FBXO45: variants seen among roughly 807,000 people sequenced by gnomAD.
The protein encoded by FBXO45 is F-box protein 45.
In FBXO45, 3 loss-of-function variants were observed where a neutral mutation model predicts 25.5. That is an observed-to-expected ratio of 0.12 (90% CI 0.05 to 0.30). FBXO45 has a LOEUF of 0.30. Ranked by LOEUF, FBXO45 falls within the 10% of genes least tolerant of loss-of-function variation. The pLI, the probability that FBXO45 is intolerant of heterozygous loss-of-function variation, is 1.00. For synonymous variants in FBXO45, 155 were observed against 149.8 expected (o/e 1.03, Z -0.25); for missense variants, 219 against 365.0 (o/e 0.60, Z 3.26).
At chr3:196,583,796 C>G (rs953123601) in intron 2 of FBXO45, among the ~76,000 whole-genome samples, 2 of 152,048 alleles carry the variant, frequency 1.3e-5, no homozygotes, top group Non-Finnish European at 2.9e-5. Context: ...GGTGCGATAC[C>G]AGCTTTGCGC....
intron 1 of FBXO45, among the ~76,000 whole-genome samples, chr3:196,575,377 G>A (rs1735895742): frequency 6.7e-6 from 1 of 150,304 alleles, no homozygotes; most frequent in African/African-American, 2.4e-5. Context: ...AGAATCGCTT[G>A]AACCCAGGAG....
At chr3:196,579,276 G>A (rs895965618) in intron 2 of FBXO45, among the ~76,000 whole-genome samples, 2 of 152,180 alleles carry the variant, frequency 1.3e-5, no homozygotes, top group Admixed American at 6.5e-5. Flanking sequence ...TCCAGCCTCA[G>A]TAATGACCTC....
chr3:196,569,281 C>A lies in FBXO45; in HGVS notation c.297C>A (p.Asn99Lys). The A allele has an allele frequency of 1.3e-6, 2 of 1,574,478 alleles. No individual in the cohort carries two copies. Among genetic ancestry groups the A allele is most frequent in the Non-Finnish European group, 8.6e-7 (1 of 1,158,846 alleles). ...CTCTGCGCACGGACATCCTGTGCAACCTGCCCAGCTACAAGGCCAAGGTGA... is the reference window on the plus strand; with the variant it reads ...CTCTGCGCACGGACATCCTGTGCAAACTGCCCAGCTACAAGGCCAAGGTGA... ...EEALRTDILC[N>K]LPSYKAKIRA... Residue 99 changes from asparagine (N) to lysine (K), a missense_variant, in exon 1 of 3, where the codon AAC becomes AAA. Physicochemically the swap from Asn to Lys is moderately conservative, Grantham distance 94 (BLOSUM62 0). Around this residue, in one of 4 missense-constraint regions of FBXO45, gnomAD observed 138 missense variants for 157.3 expected, o/e 0.88. Transcript: ENST00000311630. This position sits in a 1 kb window ranked among gnomAD's most constrained non-coding sequence, Gnocchi z 4.1.
chr3:196,575,528 A>T (rs1048568071), intron 1 of FBXO45, among the ~76,000 whole-genome samples: 1 of 151,864 alleles, frequency 6.6e-6, no homozygotes. Flanking sequence ...ATTGGAATTT[A>T]TAAGAATTGG....
At chr3:196,570,693 T>A (rs979159531) in intron 1 of FBXO45, among the ~76,000 whole-genome samples, 1 of 150,586 alleles carries the variant, frequency 6.6e-6, no homozygotes, top group Non-Finnish European at 1.5e-5. Context: ...ACTATCAAGT[T>A]GTTTCTCTTT....
rs1736121559 is a variant in FBXO45 at position 196,586,988 on chromosome 3, G to A, written c.*2670G>A. The A allele has an allele frequency of 6.6e-6, 1 of 152,158 alleles. No individual in the cohort carries two copies. Among genetic ancestry groups the A allele is most frequent in the African/African-American group, 2.4e-5 (1 of 41,432 alleles). The allele number at this position is 152,158 out of a possible 1,614,324, so 9.4% of individuals were successfully genotyped here. A position where few individuals can be genotyped will look rare whatever the true frequency, so the allele number is the denominator to read the frequency against. On this transcript the variant is annotated 3_prime_UTR_variant, in exon 3 of 3. Coordinates refer to ENST00000311630, the MANE Select transcript of FBXO45 (RefSeq NM_001105573.2). ...AAAATAATGGGAAAGTGCTTGTGCC[G>A]TGGATGAAAAGTGCTATTAAAAGTC...
At position 196,568,753 on chromosome 3, in the gene FBXO45, C is replaced by T; in HGVS notation, c.-232C>T. 1 of 164,916 alleles carries T rather than the reference C, an allele frequency of 6.1e-6. No homozygotes were observed. Among genetic ancestry groups the T allele is most frequent in the Non-Finnish European group, 1.3e-5 (1 of 79,704 alleles). 10.2% of individuals were successfully genotyped at this position (164,916 alleles called of 1,614,324 possible). On this transcript the variant is annotated 5_prime_UTR_variant, in exon 1 of 3. Coordinates refer to ENST00000311630, the MANE Select transcript of FBXO45 (RefSeq NM_001105573.2). Reference sequence around the variant, plus strand: ...GGGCGGTTTCGGCGCCCGCGCTGAGCCGCGGAGGAGGGGCGGAGGACGCCC... The same window carrying T: ...GGGCGGTTTCGGCGCCCGCGCTGAGTCGCGGAGGAGGGGCGGAGGACGCCC...
Position 196,569,205 on chromosome 3 carries a change from A to G in FBXO45, c.221A>G (p.Glu74Gly). Residue 74 changes from glutamate (E) to glycine (G), a missense_variant, in exon 1 of 3, where the codon GAG (glutamate) becomes GGG (glycine). By Grantham distance (98) the Glu-to-Gly change is moderately conservative. Transcript: ENST00000311630. The surrounding 1 kb of genome is among the most constrained non-coding windows in gnomAD (Gnocchi z 4.1). ...KHWYRCLHGD[E>G]NSEVWRSLCA... ...TGGTACCGCTGCCTGCACGGCGATGAGAACAGCGAGGTGTGGCGGAGCCTG... is the reference window on the plus strand; with the variant it reads ...TGGTACCGCTGCCTGCACGGCGATGGGAACAGCGAGGTGTGGCGGAGCCTG... 6.3e-7 allele frequency: 1 copy of G among 1,575,034 alleles called. No individual in the cohort carries two copies. The highest frequency in any genetic ancestry group is 8.6e-7 in the Non-Finnish European group (1 of 1,161,168).
At chr3:196,577,071 A>G (rs757199676) in intron 1 of FBXO45, among the ~76,000 whole-genome samples, 25 of 152,262 alleles carry the variant, frequency 1.6e-4, no homozygotes, top group Non-Finnish European at 2.2e-4. Flanking sequence ...TCATGTTTCT[A>G]TTGCACACTC....
At chr3:196,574,445 C>T (rs937786290) in intron 1 of FBXO45, among the ~76,000 whole-genome samples, 2 of 152,086 alleles carry the variant, frequency 1.3e-5, no homozygotes, top group African/African-American at 2.4e-5. Context: ...ATAAGGGTCC[C>T]ATGGCAAAGG....
intron 2 of FBXO45, among the ~76,000 whole-genome samples, chr3:196,581,983 A>C (rs1304051941): frequency 6.6e-6 from 1 of 152,106 alleles, no homozygotes; most frequent in African/African-American, 2.4e-5. Context: ...GTGCCTTTGT[A>C]ATATAGTGGT....
intron 2 of FBXO45, among the ~76,000 whole-genome samples, chr3:196,581,991 G>T (rs1268797153): frequency 6.6e-6 from 1 of 152,098 alleles, no homozygotes; most frequent in Admixed American, 6.6e-5. Context: ...GTAATATAGT[G>T]GTCACTCAGG....
At chr3:196,570,216 G>A (rs1735778472) in intron 1 of FBXO45, among the ~76,000 whole-genome samples, 1 of 151,704 alleles carries the variant, frequency 6.6e-6, no homozygotes, top group African/African-American at 2.4e-5. Context: ...TGATTGCAAT[G>A]TGTTAAACAT....
intron 1 of FBXO45, among the ~76,000 whole-genome samples, chr3:196,575,182 G>C (rs888738451): frequency 1.3e-5 from 2 of 152,204 alleles, no homozygotes; most frequent in African/African-American, 4.8e-5. Flanking sequence ...AGGGCCGGGC[G>C]TGGTGGCTCA....
rs1045635924 is a variant in FBXO45 at position 196,568,875 on chromosome 3, CAG to C, written c.-109_-108del. 7.2e-6 allele frequency: 6 copies of C among 834,522 alleles called. No individual in the cohort carries two copies. The highest frequency in any genetic ancestry group is 1.2e-4 in the East Asian group (1 of 8,076). 51.7% of individuals were successfully genotyped at this position (834,522 alleles called of 1,614,324 possible). A position where few individuals can be genotyped will look rare whatever the true frequency, so the allele number is the denominator to read the frequency against. On this transcript the variant is annotated 5_prime_UTR_variant, in exon 1 of 3. Coordinates refer to ENST00000311630, the MANE Select transcript of FBXO45 (RefSeq NM_001105573.2). ...TGGAGGCGCCGGCGGTTGGCACTGA[CAG>C]GGGCGGTGAGCGAGCCGCTCCGGTC...
intron 1 of FBXO45, among the ~76,000 whole-genome samples, chr3:196,570,362 C>T (rs1359330845): frequency 1.3e-5 from 2 of 151,318 alleles, no homozygotes; most frequent in African/African-American, 2.4e-5. Context: ...CTCAGCCTCC[C>T]GAGTAGCTGG....
At chr3:196,576,116 A>T (rs995977853) in intron 1 of FBXO45, among the ~76,000 whole-genome samples, 1 of 152,210 alleles carries the variant, frequency 6.6e-6, no homozygotes, top group African/African-American at 2.4e-5. Flanking sequence ...TCTGTTTTTA[A>T]ATCTGCGCTC....
At chr3:196,575,673 CTTTG>C (rs1735900436) in intron 1 of FBXO45, among the ~76,000 whole-genome samples, 1 of 147,966 alleles carries the variant, frequency 6.8e-6, no homozygotes, top group South Asian at 2.1e-4. Flanking sequence ...CCTTTCTTTT[CTTTG>C]TTTCTTTTTT....
At position 196,583,162 on chromosome 3, in the gene FBXO45, A is replaced by G. The variant is rs77648819; in HGVS notation, c.676-971A>G. 2.3e-3 allele frequency among the ~76,000 whole-genome samples: 352 copies of G among 152,238 alleles called. 4 individuals carry two copies. In the East Asian group the frequency reaches 0.033, roughly 14 times the overall value. ...ACTTAGCATAATATTTTCAGGGTCT[A>G]TCTATGTTGTAGCATATATCAAAAT... On this transcript the variant is annotated intron_variant, in intron 2 of 2. Transcript: ENST00000311630.
Sources: allele counts gnomAD v4.1 joint callset (sites outside exome capture counted in the v4.1 genomes callset), GRCh38; gene constraint gnomAD v4.1.1; regional missense constraint gnomAD v4.1.1; non-coding constraint Gnocchi (gnomAD v3.1); transcripts MANE v1.5; gene names NCBI Gene and HGNC (gene_info 2026-07-23, HGNC 2026-07-21).